Variants in EYA1 observed in about 807,000 individuals in gnomAD.
The protein encoded by EYA1 is EYA transcriptional coactivator and phosphatase 1.
EYA1 carries 16 observed loss-of-function variants against 82.0 expected under a neutral mutation model. The observed-to-expected ratio is 0.20, with a 90% CI of 0.13 to 0.30. EYA1 has a LOEUF of 0.30. EYA1 is among the 10% of genes least tolerant of loss of function. EYA1 has a pLI of 1.00. For synonymous variants in EYA1, 261 were observed against 264.4 expected, an observed-to-expected ratio of 0.99 and a Z score of 0.12; for missense variants, 633 against 730.7, an observed-to-expected ratio of 0.87 and a Z score of 1.54.
intron 2 of EYA1, among the ~76,000 whole-genome samples, chr8:71,506,896 T>G (rs997758654): frequency 6.7e-6 from 1 of 150,210 alleles, no homozygotes; most frequent in Non-Finnish European, 1.5e-5. Flanking sequence ...AGCAACAGAC[T>G]GCAAAGATAC....
At chr8:71,487,415 A>G (rs1245860225) in intron 2 of EYA1, among the ~76,000 whole-genome samples, 1 of 152,162 alleles carries the variant, frequency 6.6e-6, no homozygotes, top group Non-Finnish European at 1.5e-5. Context: ...TCCTGAAACT[A>G]TCATACAATC....
At chr8:71,208,040 T>C (rs1194611576) in intron 17 of EYA1, among the ~76,000 whole-genome samples, 4 of 152,210 alleles carry the variant, frequency 2.6e-5, no homozygotes, top group Admixed American at 2.6e-4. Flanking sequence ...ATGGAAGTAA[T>C]TGGAAACCCT....
At chr8:71,506,600 G>T (rs984889968) in intron 2 of EYA1, among the ~76,000 whole-genome samples, 25 of 152,104 alleles carry the variant, frequency 1.6e-4, no homozygotes, top group Non-Finnish European at 7.4e-5. Context: ...GTTTGTTGTT[G>T]TTTCAAAACT....
At chr8:71,405,134 AG>A (rs1475437635) in intron 2 of EYA1, among the ~76,000 whole-genome samples, 6 of 152,116 alleles carry the variant, frequency 3.9e-5, no homozygotes, top group Non-Finnish European at 5.9e-5. Flanking sequence ...CGTTCCAGAA[AG>A]GTAAATGGCC....
intron 9 of EYA1, among the ~76,000 whole-genome samples, chr8:71,276,842 C>T (rs1817232387): frequency 3.3e-5 from 5 of 152,118 alleles, no homozygotes; most frequent in Admixed American, 3.3e-4. Context: ...AGTAGTATTG[C>T]TTGCTCGTTA....
intron 12 of EYA1, among the ~76,000 whole-genome samples, chr8:71,233,380 C>T (rs538737891): frequency 7.3e-4 from 111 of 151,978 alleles, no homozygotes; most frequent in African/African-American, 1.7e-3. Flanking sequence ...CTGGCTAACA[C>T]AGTGAAACCC....
chr8:71,207,801 T>TA (rs149289869), intron 17 of EYA1, among the ~76,000 whole-genome samples: 22 of 146,596 alleles, frequency 1.5e-4, no homozygotes, highest in South Asian at 2.2e-4. Flanking sequence ...GAAAGAAGGT[T>TA]AAAAAAAAAA....
chr8:71,507,492 C>T (rs190969787), intron 2 of EYA1, among the ~76,000 whole-genome samples: 25 of 152,250 alleles, frequency 1.6e-4, no homozygotes, highest in East Asian at 1.5e-3. Context: ...ACAACACCTA[C>T]GGGGGGAAAT....
intron 3 of EYA1, among the ~76,000 whole-genome samples, chr8:71,346,448 A>ATATATATATATATATATC (rs1554561621): frequency 7.4e-6 from 1 of 135,300 alleles, no homozygotes; most frequent in African/African-American, 3.0e-5. Flanking sequence ...ATATATATAT[A>ATATATATATATATATATC]TATATATCTA....
intron 2 of EYA1, among the ~76,000 whole-genome samples, chr8:71,377,819 A>G (rs1458375619): frequency 6.6e-6 from 1 of 152,226 alleles, no homozygotes; most frequent in Admixed American, 6.5e-5. Context: ...GGTACCTCAC[A>G]TCAATGGAAT....
intron 12 of EYA1, among the ~76,000 whole-genome samples, chr8:71,226,390 G>A (rs774956590): frequency 3.3e-5 from 5 of 151,940 alleles, no homozygotes; most frequent in South Asian, 4.2e-4. Context: ...TTCACTGTGC[G>A]TGGAGTTCCT....
At chr8:71,215,169 G>A (rs761303992) in intron 16 of EYA1, among the ~76,000 whole-genome samples, 11 of 152,082 alleles carry the variant, frequency 7.2e-5, no homozygotes, top group Non-Finnish European at 1.5e-4. Context: ...TGGTCTTAAC[G>A]TTAGCCAGTC....
At chr8:71,342,751 T>C (rs1260362202) in intron 3 of EYA1, among the ~76,000 whole-genome samples, 2 of 152,204 alleles carry the variant, frequency 1.3e-5, no homozygotes, top group African/African-American at 2.4e-5. Flanking sequence ...TGCGGACCTT[T>C]GGTACTTGCT....
intron 2 of EYA1, among the ~76,000 whole-genome samples, chr8:71,464,436 G>C (rs1224271483): frequency 6.6e-6 from 1 of 152,186 alleles, no homozygotes; most frequent in African/African-American, 2.4e-5. Context: ...ATCAGAAACA[G>C]CCATCTTCAT....
intron 1 of EYA1, among the ~76,000 whole-genome samples, chr8:71,546,868 A>AT (rs1202244785): frequency 1.3e-5 from 2 of 152,132 alleles, no homozygotes; most frequent in African/African-American, 4.8e-5. Context: ...TCCCACTGGA[A>AT]TTTTTTAAAG....
chr8:71,526,169 C>T (rs926733502), intron 2 of EYA1, among the ~76,000 whole-genome samples: 1 of 150,892 alleles, frequency 6.6e-6, no homozygotes, highest in Admixed American at 6.6e-5. Flanking sequence ...ACAAAAATAC[C>T]CAGTGATAGA....
Position 71,310,788 on chromosome 8 carries a change from T to C in EYA1, c.556+6764A>G, listed in dbSNP as rs1413323523. ...AAATGAAGAAAATCAGAGTTTTTTA[T>C]GAACCTTAATTTCTAACATTCATTG... On this transcript the variant is annotated intron_variant, in intron 7 of 17. Coordinates refer to ENST00000340726, the MANE Select transcript of EYA1 (RefSeq NM_000503.6). Among the ~76,000 whole-genome samples the C allele has an allele frequency of 3.3e-5, 5 of 151,622 alleles. No individual in the cohort carries two copies. The Admixed American group carries it at 3.3e-4, about 10-fold the overall frequency.
At chr8:71,212,023 A>C (rs1808580298) in intron 16 of EYA1, among the ~76,000 whole-genome samples, 2 of 152,220 alleles carry the variant, frequency 1.3e-5, no homozygotes, top group African/African-American at 4.8e-5. Context: ...TGTGGTGGCT[A>C]CACTGTCAGC....
chr8:71,368,737 C>A (rs1011151651), intron 2 of EYA1, among the ~76,000 whole-genome samples: 4 of 151,948 alleles, frequency 2.6e-5, no homozygotes, highest in Non-Finnish European at 5.9e-5. Flanking sequence ...ACCTAACTCA[C>A]CACAAATAAA....
Sources: gnomAD v4.1 joint callset for allele counts (sites outside exome capture counted in the v4.1 genomes callset) on GRCh38, gnomAD v4.1.1 for gene constraint, MANE v1.5 for transcripts, NCBI Gene and HGNC (gene_info 2026-07-23, HGNC 2026-07-21) for gene names.